Variants in RPS6KC1 observed in about 807,000 individuals in gnomAD.
RPS6KC1 encodes ribosomal protein S6 kinase C1, also known as inactive ribosomal protein S6 kinase delta-1.
A neutral mutation model predicts 103.8 loss-of-function variants in RPS6KC1; 54 were observed. The observed-to-expected ratio is 0.52, with a 90% confidence interval of 0.42 to 0.65. The LOEUF (loss-of-function observed/expected upper bound fraction) is 0.65, where lower values mean the gene tolerates loss of function less well. Ranked by LOEUF, RPS6KC1 falls within the 30% of genes least tolerant of loss-of-function variation. The probability of loss-of-function intolerance (pLI) is 0.00; values close to 1 mark genes in which losing one functional copy is unlikely to be tolerated. For missense variants in RPS6KC1, 1,151 were observed against 1,253.8 expected, an observed-to-expected ratio of 0.92 and a Z score of 1.24; for synonymous variants, 439 against 438.7, an observed-to-expected ratio of 1.00 and a Z score of -0.01.
the RPS6KC1 span, among the ~76,000 whole-genome samples, chr1:213,461,708 A>C: frequency 6.6e-6 from 1 of 152,212 alleles, no homozygotes; most frequent in African/African-American, 2.4e-5. Flanking sequence ...GGTGTTGGGA[A>C]AACTGACTAG....
chr1:213,081,013 A>G (rs1209614615), intron 3 of RPS6KC1, among the ~76,000 whole-genome samples: 1 of 152,248 alleles, frequency 6.6e-6, no homozygotes, highest in East Asian at 1.9e-4. Flanking sequence ...TTTTCCTTAT[A>G]CTACATCAGG....
chr1:213,613,652 T>C, the RPS6KC1 span, among the ~76,000 whole-genome samples: 1 of 152,208 alleles, frequency 6.6e-6, no homozygotes, highest in Non-Finnish European at 1.5e-5. Flanking sequence ...GCAGAGGACC[T>C]CTACTTGCAA....
At chr1:213,576,371 G>GT in the RPS6KC1 span, among the ~76,000 whole-genome samples, 32,724 of 140,054 alleles carry the variant, frequency 0.23, 5,064 homozygotes, top group African/African-American at 0.44. Context: ...GATACTGTGG[G>GT]TTTTTTTTTT....
the RPS6KC1 span, among the ~76,000 whole-genome samples, chr1:213,838,234 T>C: frequency 6.6e-6 from 1 of 152,202 alleles, no homozygotes; most frequent in Admixed American, 6.5e-5. Flanking sequence ...TCCTTGAGAA[T>C]AGAACCTCAG....
chr1:213,209,347 C>T (rs189892898), intron 8 of RPS6KC1, among the ~76,000 whole-genome samples: 19 of 152,164 alleles, frequency 1.2e-4, no homozygotes, highest in Admixed American at 2.6e-4. Flanking sequence ...CTGGATTTCA[C>T]GCAAGAAAGA....
the RPS6KC1 span, among the ~76,000 whole-genome samples, chr1:213,363,914 A>G: frequency 1.3e-5 from 2 of 148,170 alleles, no homozygotes; most frequent in Non-Finnish European, 3.0e-5. Context: ...GAAGAGTTTC[A>G]CATTGTTTTC....
At chr1:213,296,667 G>A in the RPS6KC1 span, among the ~76,000 whole-genome samples, 1 of 152,198 alleles carries the variant, frequency 6.6e-6, no homozygotes, top group Non-Finnish European at 1.5e-5. Flanking sequence ...TATAGAGTCA[G>A]AATAGGAAGA....
At chr1:213,736,703 A>G in the RPS6KC1 span, among the ~76,000 whole-genome samples, 2 of 152,210 alleles carry the variant, frequency 1.3e-5, no homozygotes, top group African/African-American at 4.8e-5. Context: ...TCTCTCCCAA[A>G]CCAGCCAAAT....
the RPS6KC1 span, among the ~76,000 whole-genome samples, chr1:213,781,175 G>T: frequency 6.6e-6 from 1 of 152,182 alleles, no homozygotes; most frequent in Non-Finnish European, 1.5e-5. Context: ...ATAACGTAAA[G>T]GTCACTGGTT....
chr1:213,515,031 T>G, the RPS6KC1 span, among the ~76,000 whole-genome samples: 1 of 152,382 alleles, frequency 6.6e-6, no homozygotes, highest in Non-Finnish European at 1.5e-5. Context: ...TGTCTTCTTT[T>G]GAGAAGTATC....
the RPS6KC1 span, among the ~76,000 whole-genome samples, chr1:213,307,945 GC>G: frequency 6.6e-6 from 1 of 152,300 alleles, no homozygotes; most frequent in African/African-American, 2.4e-5. Flanking sequence ...GTAGTGGGCA[GC>G]AAGTCAAGGT....
At chr1:213,164,297 G>A (rs2090752927) in intron 6 of RPS6KC1, among the ~76,000 whole-genome samples, 1 of 152,174 alleles carries the variant, frequency 6.6e-6, no homozygotes. Flanking sequence ...CTTAGTGACT[G>A]AAGTCAGAGA....
intron 6 of RPS6KC1, among the ~76,000 whole-genome samples, chr1:213,142,309 T>C (rs879896162): frequency 5.3e-5 from 8 of 152,018 alleles, no homozygotes; most frequent in African/African-American, 9.7e-5. Context: ...TATAGTTGGG[T>C]CTTGCTGTTT....
chr1:213,349,571 C>T, the RPS6KC1 span, among the ~76,000 whole-genome samples: 4 of 152,176 alleles, frequency 2.6e-5, no homozygotes, highest in African/African-American at 7.2e-5. Flanking sequence ...TAAAGTTCAT[C>T]AGACACTTAG....
intron 3 of RPS6KC1, among the ~76,000 whole-genome samples, chr1:213,088,568 G>A (rs923358609): frequency 6.6e-6 from 1 of 152,082 alleles, no homozygotes; most frequent in African/African-American, 2.4e-5. Flanking sequence ...TGTTGCTCAG[G>A]CTGGTCTCGA....
chr1:213,356,437 C>T, the RPS6KC1 span, among the ~76,000 whole-genome samples: 1 of 152,064 alleles, frequency 6.6e-6, no homozygotes, highest in African/African-American at 2.4e-5. Flanking sequence ...AGCAGATCAC[C>T]TGAGGTCAGG....
At chr1:213,754,070 C>G in the RPS6KC1 span, among the ~76,000 whole-genome samples, 1 of 152,126 alleles carries the variant, frequency 6.6e-6, no homozygotes, top group East Asian at 1.9e-4. Flanking sequence ...TTCCCCGTTT[C>G]ACTGCTGCTT....
At chr1:213,781,400 A>T in the RPS6KC1 span, among the ~76,000 whole-genome samples, 1 of 152,210 alleles carries the variant, frequency 6.6e-6, no homozygotes. Context: ...GCAAAGCCCT[A>T]GGAGATGGGA....
the RPS6KC1 span, among the ~76,000 whole-genome samples, chr1:213,344,895 A>G: frequency 3.3e-5 from 5 of 152,162 alleles, no homozygotes; most frequent in African/African-American, 9.7e-5. Flanking sequence ...AGTTTCACCT[A>G]TTGCATTCAT....
Sources: gnomAD v4.1 joint callset for allele counts (sites outside exome capture counted in the v4.1 genomes callset) on GRCh38, gnomAD v4.1.1 for gene constraint, MANE v1.5 for transcripts, NCBI Gene and HGNC (gene_info 2026-07-23, HGNC 2026-07-21) for gene names.